LRIF1: variants seen among roughly 807,000 people sequenced by gnomAD.
The protein encoded by LRIF1 is ligand dependent nuclear receptor interacting factor 1, also known as ligand-dependent nuclear receptor-interacting factor 1.
LRIF1 carries 32 observed loss-of-function variants against 52.7 expected under a neutral mutation model. The observed-to-expected ratio is 0.61, with a 90% CI of 0.46 to 0.82. LRIF1 has a LOEUF of 0.82. Ranked by LOEUF, LRIF1 falls within the 40% of genes least tolerant of loss-of-function variation. LRIF1 has a pLI of 0.00. For missense variants in LRIF1, 887 were observed against 892.0 expected, an observed-to-expected ratio of 0.99 and a Z score of 0.07; for synonymous variants, 323 against 317.4, an observed-to-expected ratio of 1.02 and a Z score of -0.19.
At chr1:110,917,493 T>A in the LRIF1 span, among the ~76,000 whole-genome samples, 1 of 152,194 alleles carries the variant, frequency 6.6e-6, no homozygotes, top group Non-Finnish European at 1.5e-5. Flanking sequence ...GGGCATAGGG[T>A]AATTTGTACC....
chr1:110,916,641 C>CTGTTTAA, the LRIF1 span, among the ~76,000 whole-genome samples: 1 of 152,196 alleles, frequency 6.6e-6, no homozygotes, highest in African/African-American at 2.4e-5. Context: ...AAACTTGCCC[C>CTGTTTAA]AAACTGTCTG....
At chr1:110,958,450 A>T (rs1474263286) in intron 1 of LRIF1, among the ~76,000 whole-genome samples, 1 of 55,856 alleles carries the variant, frequency 1.8e-5, no homozygotes, top group African/African-American at 7.3e-5. Context: ...TCTATTAGCT[A>T]ATTTTTTAAA....
Position 110,951,625 on chromosome 1 carries a change from T to A in LRIF1, c.1259A>T (p.Lys420Ile). The A allele has an allele frequency of 6.2e-7, 1 of 1,614,104 alleles. No individual in the cohort carries two copies. The highest frequency in any genetic ancestry group is 8.5e-7 in the Non-Finnish European group (1 of 1,180,008). Reference protein sequence around the residue: ...EVVNIVLAKSKSSQMETKSLS... With the variant: ...EVVNIVLAKSISSQMETKSLS... Reference sequence around the variant, plus strand: ...TGATTTTGTCTCCATCTGGGAAGATTTACTTTTAGCCAAAACAATATTTAC... The same window carrying A: ...TGATTTTGTCTCCATCTGGGAAGATATACTTTTAGCCAAAACAATATTTAC... Residue 420 changes from lysine to isoleucine, a missense_variant, in exon 2 of 4, where the codon AAA (lysine) becomes ATA (isoleucine). By Grantham distance (102) the Lys-to-Ile change is moderately radical. Coordinates refer to ENST00000369763, the MANE Select transcript of LRIF1 (RefSeq NM_018372.4).
chr1:110,914,684 C>CAG, the LRIF1 span, among the ~76,000 whole-genome samples: 8 of 151,946 alleles, frequency 5.3e-5, no homozygotes, highest in Non-Finnish European at 2.9e-5. Flanking sequence ...ACCCAGGAGG[C>CAG]AGAGGTTGCA....
the LRIF1 span, among the ~76,000 whole-genome samples, chr1:110,906,879 A>G: frequency 3.3e-5 from 5 of 152,262 alleles, no homozygotes; most frequent in Non-Finnish European, 7.3e-5. Context: ...ATGCTCTTGA[A>G]GAAAAAACAC....
chr1:110,939,125 T>C, the LRIF1 span: 1 of 152,134 alleles, frequency 6.6e-6, no homozygotes, highest in East Asian at 1.9e-4. Context: ...ACGCCTGTAA[T>C]CCTAGCACTT....
At position 110,963,660 on chromosome 1, in the gene LRIF1, A is replaced by G. The variant is rs1247038998; in HGVS notation, c.29T>C (p.Leu10Pro). 4 of 1,610,016 alleles carry G rather than the reference A, an allele frequency of 2.5e-6. No homozygotes were observed. The East Asian group carries it at 8.9e-5, about 36-fold the overall frequency. Residue 10 changes from leucine to proline, a missense_variant, in exon 1 of 4, where the codon CTG becomes CCG. Physicochemically the swap from Leu to Pro is moderately conservative, Grantham distance 98. Transcript: ENST00000369763. MSNNLRRVFLKPAEENSGNA... is the reference protein window; with the variant it reads MSNNLRRVFPKPAEENSGNA... Reference sequence around the variant, plus strand: ...GCCTGAATTTTCCTCTGCGGGTTTCAGGAAGACCCTCCGTAGGTTATTTGA... The same window carrying G: ...GCCTGAATTTTCCTCTGCGGGTTTCGGGAAGACCCTCCGTAGGTTATTTGA...
chr1:110,963,775 G>A lies in LRIF1; in HGVS notation c.-87C>T. 1 of 1,118,920 alleles carries A rather than the reference G, an allele frequency of 8.9e-7. No individual in the cohort carries two copies. Among genetic ancestry groups the A allele is most frequent in the Non-Finnish European group, 1.3e-6 (1 of 764,290 alleles). The allele number at this position is 1,118,920 out of a possible 1,614,324, so 69.3% of individuals were successfully genotyped here. ...CAATGGGGCGAGAACCAGAGCGAGG[G>A]AATGTTGGGCTGGAGTTGCCCACAG... On this transcript the variant is annotated 5_prime_UTR_variant, in exon 1 of 4. Coordinates refer to ENST00000369763, the MANE Select transcript of LRIF1 (RefSeq NM_018372.4).
At chr1:110,911,800 T>G in the LRIF1 span, among the ~76,000 whole-genome samples, 1 of 152,106 alleles carries the variant, frequency 6.6e-6, no homozygotes, top group Non-Finnish European at 1.5e-5. Context: ...TGATAAAAAT[T>G]AACACCCCTT....
downstream of LRIF1, among the ~76,000 whole-genome samples, chr1:110,946,065 T>C (rs933187908): frequency 1.3e-5 from 2 of 152,206 alleles, no homozygotes; most frequent in Non-Finnish European, 2.9e-5. Context: ...ACAGCAACAT[T>C]ACTTGTAGCT....
chr1:110,882,745 GTTTGTT>G, the LRIF1 span, among the ~76,000 whole-genome samples: 4 of 151,960 alleles, frequency 2.6e-5, no homozygotes, highest in African/African-American at 9.7e-5. Flanking sequence ...TTTCAGCAAT[GTTTGTT>G]TTTAAGTTTT....
At position 110,950,003 on chromosome 1, in the gene LRIF1, T is replaced by C; in HGVS notation, c.1717A>G (p.Ile573Val). ...HLKSDAEFKKIFGLTKDLRVC... is the reference protein window; with the variant it reads ...HLKSDAEFKKVFGLTKDLRVC... ...CTCAAATCCTTAGTAAGGCCAAATA[T>C]CTTTTTAAATTCAGCATCACTCTTC... Residue 573 changes from isoleucine to valine, a missense_variant, in exon 3 of 4, where the codon ATA (isoleucine) becomes GTA (valine). Transcript: ENST00000369763. The C allele has an allele frequency of 1.9e-6, 3 of 1,614,138 alleles. No individual in the cohort carries two copies. The highest frequency in any genetic ancestry group is 1.1e-5 in the South Asian group (1 of 91,082).
chr1:110,903,183 A>T, the LRIF1 span, among the ~76,000 whole-genome samples: 10 of 152,220 alleles, frequency 6.6e-5, no homozygotes, highest in Admixed American at 6.5e-4. Flanking sequence ...TAAACTTGGA[A>T]GGCAGTCTAG....
At chr1:110,886,869 A>ATATATATATATATTTTTTT in the LRIF1 span, among the ~76,000 whole-genome samples, 3 of 82,800 alleles carry the variant, frequency 3.6e-5, no homozygotes, top group African/African-American at 5.3e-5. Flanking sequence ...ATATATATAT[A>ATATATATATATATTTTTTT]TTTTTTTTTT....
chr1:110,902,777 A>G, the LRIF1 span, among the ~76,000 whole-genome samples: 9 of 152,224 alleles, frequency 5.9e-5, no homozygotes, highest in Admixed American at 5.2e-4. Flanking sequence ...AAGGACACCA[A>G]TTTAACAACT....
At chr1:110,934,540 T>C in the LRIF1 span, among the ~76,000 whole-genome samples, 10 of 152,278 alleles carry the variant, frequency 6.6e-5, 1 homozygote, top group South Asian at 2.1e-4. Context: ...TAAGAAAACA[T>C]TGGAGGTCCT....
chr1:110,949,407 T>C lies in LRIF1; in HGVS notation c.1869+444A>G, dbSNP rs1223629340. Among the ~76,000 whole-genome samples, 7 of 150,434 alleles carry C rather than the reference T, an allele frequency of 4.7e-5. No homozygotes were observed. In the East Asian group the frequency reaches 1.4e-3, roughly 29 times the overall value. On this transcript the variant is annotated intron_variant, in intron 3 of 3. Transcript: ENST00000369763. ...TGCTGGGATTACAGGCGTGAGCCAC[T>C]GCACCTGGCCTGGTTCTTTTTTTTT...
downstream of LRIF1, chr1:110,945,272 CAG>C (rs1251204794): frequency 6.6e-6 from 1 of 152,090 alleles, no homozygotes; most frequent in Non-Finnish European, 1.5e-5. Flanking sequence ...ACAGAATGAT[CAG>C]AAAGGATATA....
At chr1:110,924,319 A>T in the LRIF1 span, among the ~76,000 whole-genome samples, 28 of 152,314 alleles carry the variant, frequency 1.8e-4, no homozygotes, top group Non-Finnish European at 1.6e-4. Context: ...TTTCTCAAAA[A>T]ACTCCAGACT....
Sources: gnomAD v4.1 joint callset for allele counts (sites outside exome capture counted in the v4.1 genomes callset) on GRCh38, gnomAD v4.1.1 for gene constraint, MANE v1.5 for transcripts, NCBI Gene and HGNC (gene_info 2026-07-23, HGNC 2026-07-21) for gene names.